The following CSMD1 variants were observed in gnomAD, a reference collection of about 807,000 sequenced individuals.
CSMD1 encodes the protein CUB and Sushi multiple domains 1, also known as CUB and sushi domain-containing protein 1.
A neutral mutation model predicts 417.5 loss-of-function variants in CSMD1; 213 were observed. The ratio of observed to expected loss-of-function variants is 0.51; its 90% CI spans 0.46 to 0.57. CSMD1 has a LOEUF of 0.57. Among genes scored for constraint, CSMD1 ranks in the 20% least tolerant of loss-of-function variants. CSMD1 has a pLI of 0.00. For missense variants in CSMD1, 6,923 were observed against 4,529.7 expected, an observed-to-expected ratio of 1.53 and a Z score of -15.17; for synonymous variants, 2,862 against 1,736.8, an observed-to-expected ratio of 1.65 and a Z score of -16.11.
intron 5 of CSMD1, among the ~76,000 whole-genome samples, chr8:3,840,018 T>C (rs958696242): frequency 6.6e-6 from 1 of 152,182 alleles, no homozygotes; most frequent in Non-Finnish European, 1.5e-5. Flanking sequence ...GCTAAGCTCC[T>C]AAGAGTCCTA....
chr8:4,672,430 G>A (rs1379974911), intron 1 of CSMD1, among the ~76,000 whole-genome samples: 2 of 152,122 alleles, frequency 1.3e-5, no homozygotes, highest in Middle Eastern at 6.3e-3. Flanking sequence ...TATTTGTAGT[G>A]TATGTAAAAT....
At chr8:4,697,960 T>C (rs952170494) in intron 1 of CSMD1, among the ~76,000 whole-genome samples, 3 of 152,182 alleles carry the variant, frequency 2.0e-5, no homozygotes, top group African/African-American at 7.2e-5. Flanking sequence ...CAAATAGTGA[T>C]GCTTAAATGT....
intron 25 of CSMD1, among the ~76,000 whole-genome samples, chr8:3,293,039 C>T (rs559242447): frequency 6.6e-6 from 1 of 152,108 alleles, no homozygotes; most frequent in South Asian, 2.1e-4. Context: ...CAAAATCTCT[C>T]AGCATTTGCT....
At chr8:3,924,807 T>A (rs998438526) in intron 5 of CSMD1, among the ~76,000 whole-genome samples, 1 of 152,214 alleles carries the variant, frequency 6.6e-6, no homozygotes, top group African/African-American at 2.4e-5. Flanking sequence ...ATCCTGTAAG[T>A]CACTGAAGTT....
At chr8:3,317,817 A>G (rs1403108135) in intron 23 of CSMD1, among the ~76,000 whole-genome samples, 1 of 152,146 alleles carries the variant, frequency 6.6e-6, no homozygotes, top group African/African-American at 2.4e-5. Flanking sequence ...TGAACTTTTA[A>G]TGTTATTTTT....
chr8:4,461,332 A>G (rs1468211812), intron 2 of CSMD1, among the ~76,000 whole-genome samples: 1 of 152,000 alleles, frequency 6.6e-6, no homozygotes, highest in Non-Finnish European at 1.5e-5. Context: ...GACAAATTCT[A>G]TTCCACAGCA....
chr8:3,690,724 A>T (rs1800191968), intron 7 of CSMD1, among the ~76,000 whole-genome samples: 1 of 152,210 alleles, frequency 6.6e-6, no homozygotes, highest in Non-Finnish European at 1.5e-5. Context: ...CATCTTTGCC[A>T]CAGTTTGTAC....
At chr8:3,022,548 A>T (rs1226166385) in intron 51 of CSMD1, among the ~76,000 whole-genome samples, 1 of 152,224 alleles carries the variant, frequency 6.6e-6, no homozygotes, top group Non-Finnish European at 1.5e-5. Context: ...AACTTTAAAA[A>T]ACACTTGTAT....
At chr8:4,676,762 C>T (rs1278621681) in intron 1 of CSMD1, among the ~76,000 whole-genome samples, 1 of 151,856 alleles carries the variant, frequency 6.6e-6, no homozygotes, top group African/African-American at 2.4e-5. Flanking sequence ...TGTTCTTAGC[C>T]CACCAAAGCT....
At chr8:2,977,052 TA>T (rs200616883) in intron 55 of CSMD1, among the ~76,000 whole-genome samples, 55 of 147,840 alleles carry the variant, frequency 3.7e-4, no homozygotes, top group Non-Finnish European at 4.8e-4. Context: ...GAGGTTTTTT[TA>T]AAAAAAAAAA....
intron 5 of CSMD1, among the ~76,000 whole-genome samples, chr8:3,926,286 C>G (rs1477714114): frequency 6.6e-6 from 1 of 152,188 alleles, no homozygotes; most frequent in Non-Finnish European, 1.5e-5. Context: ...CAATACTCCC[C>G]TTGTGCCATG....
At chr8:4,688,634 C>A (rs1333876133) in intron 1 of CSMD1, among the ~76,000 whole-genome samples, 1 of 152,106 alleles carries the variant, frequency 6.6e-6, no homozygotes, top group Non-Finnish European at 1.5e-5. Flanking sequence ...ACTTCAGAGC[C>A]ATTTGGGGGG....
chr8:3,241,150 G>C (rs1406490428), intron 26 of CSMD1, among the ~76,000 whole-genome samples: 1 of 151,752 alleles, frequency 6.6e-6, no homozygotes, highest in Non-Finnish European at 1.5e-5. Context: ...TCCAGGAATA[G>C]TTAGGGAAGC....
chr8:3,653,687 G>A (rs1424552906), intron 7 of CSMD1, among the ~76,000 whole-genome samples: 1 of 152,144 alleles, frequency 6.6e-6, no homozygotes, highest in Non-Finnish European at 1.5e-5. Context: ...CCAAGTCCTG[G>A]CACTTGTGGA....
At chr8:4,249,267 T>C (rs62478856) in intron 3 of CSMD1, among the ~76,000 whole-genome samples, 26,995 of 152,226 alleles carry the variant, frequency 0.18, 2,995 homozygotes, top group Admixed American at 0.29. Flanking sequence ...TATTATCTTG[T>C]CTTTTACTTC....
At chr8:4,774,965 C>T (rs948412361) in intron 1 of CSMD1, among the ~76,000 whole-genome samples, 2 of 152,092 alleles carry the variant, frequency 1.3e-5, no homozygotes, top group Non-Finnish European at 2.9e-5. Context: ...CAAATTAAAC[C>T]CCTTTTGTTT....
At position 3,635,720 on chromosome 8, in the gene CSMD1, T is replaced by A. The variant is rs1195530263; in HGVS notation, c.1010-18923A>T. ...GGATGGTCTCAATCTCCTGACCTCGTGATCTGCCCGCCTCGGCCTCCCGAA... is the reference window on the plus strand; with the variant it reads ...GGATGGTCTCAATCTCCTGACCTCGAGATCTGCCCGCCTCGGCCTCCCGAA... On this transcript the variant is annotated intron_variant, in intron 7 of 69. Transcript: ENST00000635120. Among the ~76,000 whole-genome samples the A allele has an allele frequency of 1.7e-4, 25 of 146,460 alleles. No individual in the cohort carries two copies. In the Admixed American group the frequency reaches 1.7e-3, roughly 10 times the overall value.
chr8:3,335,318 C>T (rs1807184171), intron 23 of CSMD1, among the ~76,000 whole-genome samples: 1 of 152,194 alleles, frequency 6.6e-6, no homozygotes, highest in South Asian at 2.1e-4. Flanking sequence ...GGATCAATTT[C>T]CCCTCCATCA....
chr8:4,741,067 CT>C (rs1810571887), intron 1 of CSMD1, among the ~76,000 whole-genome samples: 2 of 152,146 alleles, frequency 1.3e-5, no homozygotes, highest in East Asian at 3.9e-4. Flanking sequence ...AATCCTTATG[CT>C]TTAAGGAATG....
Sources: gnomAD v4.1 joint callset for allele counts (sites outside exome capture counted in the v4.1 genomes callset) on GRCh38, gnomAD v4.1.1 for gene constraint, MANE v1.5 for transcripts, NCBI Gene and HGNC (gene_info 2026-07-23, HGNC 2026-07-21) for gene names.